Variants in ZSCAN5A observed in about 807,000 individuals in gnomAD.
ZSCAN5A encodes the protein zinc finger and SCAN domain containing 5A.
Under a neutral mutation model 23.7 loss-of-function variants are expected in ZSCAN5A, and 12 were observed. That is an observed-to-expected ratio of 0.51 (90% CI 0.32 to 0.82). ZSCAN5A has a LOEUF of 0.82. Ranked by LOEUF, ZSCAN5A falls within the 40% of genes least tolerant of loss-of-function variation. ZSCAN5A has a pLI of 0.03. For missense variants in ZSCAN5A, 597 were observed against 617.9 expected (o/e 0.97, Z 0.36); for synonymous variants, 257 against 239.9 (o/e 1.07, Z -0.66).
At position 56,239,683 on chromosome 19, in the gene ZSCAN5A, T is replaced by C. The variant is rs144482221; in HGVS notation, c.-127-14510A>G. 1.8e-4 allele frequency among the ~76,000 whole-genome samples: 28 copies of C among 152,196 alleles called. No individual in the cohort carries two copies. The East Asian group carries it at 5.2e-3, about 28-fold the overall frequency. ...TTTGAAAAAGAAAAGTAAAGAATTA[T>C]CACTAATATTTATTGTATATCAGCA... On this transcript the variant is annotated intron_variant, in intron 2 of 5. Coordinates refer to ENST00000683990, the MANE Select transcript of ZSCAN5A (RefSeq NM_001322064.3).
intron 2 of ZSCAN5A, among the ~76,000 whole-genome samples, chr19:56,276,996 C>T (rs952825980): frequency 6.6e-6 from 1 of 152,004 alleles, no homozygotes; most frequent in African/African-American, 2.4e-5. Flanking sequence ...GATGCTCAAC[C>T]TCATTAGCCA....
intron 2 of ZSCAN5A, chr19:56,298,069 A>C (rs953360480): frequency 2.0e-5 from 3 of 147,926 alleles, no homozygotes; most frequent in African/African-American, 7.4e-5. Context: ...GCAAGTCTCA[A>C]AAAAAAAAAA....
chr19:56,336,414 T>C (rs2041536755), intron 2 of ZSCAN5A, among the ~76,000 whole-genome samples: 1 of 152,250 alleles, frequency 6.6e-6, no homozygotes, highest in African/African-American at 2.4e-5. Flanking sequence ...GTAGTTCTCA[T>C]GCCGTGGTTT....
At chr19:56,340,667 T>C (rs1369952929) in intron 2 of ZSCAN5A, 1 of 152,230 alleles carries the variant, frequency 6.6e-6, no homozygotes, top group Admixed American at 6.5e-5. Flanking sequence ...TTTTTCATGA[T>C]GGCAAAATTA....
chr19:56,269,396 A>T (rs1412457024), intron 2 of ZSCAN5A, among the ~76,000 whole-genome samples: 1 of 152,226 alleles, frequency 6.6e-6, no homozygotes, highest in Non-Finnish European at 1.5e-5. Flanking sequence ...TCAATTGAGC[A>T]AGTTTATGCA....
At chr19:56,315,475 CT>C (rs1600274915), upstream of ZSCAN5A, 1 of 152,256 alleles carries the variant, frequency 6.6e-6, no homozygotes, top group East Asian at 1.9e-4. Flanking sequence ...AGATTCCACC[CT>C]ATTCTCTGAA....
rs556744380 is a variant in ZSCAN5A, at chr19:56,304,470, G to A, written c.-128+8813C>T. Reference sequence around the variant, plus strand: ...AGGGAGGCCACTCAACCTGCCATACGGCCCAGGACAACACGCCACGACAAA... The same window carrying A: ...AGGGAGGCCACTCAACCTGCCATACAGCCCAGGACAACACGCCACGACAAA... On this transcript the variant is annotated intron_variant, in intron 2 of 5. Coordinates refer to ENST00000683990, the MANE Select transcript of ZSCAN5A (RefSeq NM_001322064.3). 4.5e-4 allele frequency among the ~76,000 whole-genome samples: 68 copies of A among 152,266 alleles called. 1 individual carries two copies. The highest frequency in any genetic ancestry group is 3.7e-3 in the Admixed American group (57 of 15,304).
At chr19:56,328,504 T>A (rs982638946) in intron 2 of ZSCAN5A, among the ~76,000 whole-genome samples, 5 of 151,242 alleles carry the variant, frequency 3.3e-5, no homozygotes, top group African/African-American at 1.2e-4. Flanking sequence ...TAGCTGGGCA[T>A]GGTGGTGCGC....
chr19:56,229,684 CTGA>C (rs1468017844), intron 2 of ZSCAN5A, among the ~76,000 whole-genome samples: 1 of 152,180 alleles, frequency 6.6e-6, no homozygotes, highest in East Asian at 1.9e-4. Context: ...ATCGAATCTG[CTGA>C]TGTCTATTAA....
chr19:56,318,916 ATTATTG>A (rs931643009), upstream of ZSCAN5A, among the ~76,000 whole-genome samples: 1 of 152,180 alleles, frequency 6.6e-6, no homozygotes, highest in Non-Finnish European at 1.5e-5. Flanking sequence ...CAGCATTATC[ATTATTG>A]TTATGACTGT....
chr19:56,259,937 G>A (rs2036996440), intron 2 of ZSCAN5A, among the ~76,000 whole-genome samples: 1 of 152,192 alleles, frequency 6.6e-6, no homozygotes, highest in Admixed American at 6.5e-5. Flanking sequence ...TCGTGCCCTT[G>A]CACGCCAGCC....
intron 2 of ZSCAN5A, among the ~76,000 whole-genome samples, chr19:56,303,367 G>A (rs187673394): frequency 7.7e-4 from 117 of 151,962 alleles, no homozygotes; most frequent in African/African-American, 2.6e-3. Flanking sequence ...AATCCCAGCT[G>A]CTCGGGAGGC....
chr19:56,291,090 C>T (rs1195491082), intron 2 of ZSCAN5A, among the ~76,000 whole-genome samples: 3 of 152,190 alleles, frequency 2.0e-5, no homozygotes, highest in Non-Finnish European at 2.9e-5. Flanking sequence ...ACATGCAGGA[C>T]TGAGTATGTG....
chr19:56,247,186 C>T (rs1301873672), intron 2 of ZSCAN5A: 1 of 543,324 alleles, frequency 1.8e-6, no homozygotes, highest in East Asian at 3.2e-5. Context: ...GCTCTCAGAC[C>T]TCCGCGTCCA....
At chr19:56,365,860 T>C (rs1029257569) in intron 1 of ZSCAN5A, 1 of 152,242 alleles carries the variant, frequency 6.6e-6, no homozygotes, top group African/African-American at 2.4e-5. Flanking sequence ...GACCTTGCCA[T>C]AGAGCTATCT....
rs1361069922 is a variant in ZSCAN5A, at chr19:56,265,416, A to G, written c.-127-40243T>C. 5.3e-5 allele frequency among the ~76,000 whole-genome samples: 8 copies of G among 150,544 alleles called. No homozygotes were observed. In the Admixed American group the frequency reaches 5.3e-4, roughly 10 times the overall value. On this transcript the variant is annotated intron_variant, in intron 2 of 5. Coordinates refer to ENST00000683990, the MANE Select transcript of ZSCAN5A (RefSeq NM_001322064.3). ...AGCTGTAAGCAAGCAGTAAGGCTTG[A>G]AACTTAAAGCTGGTGGAAAGTAAAC...
chr19:56,305,396 T>C (rs550408593), intron 2 of ZSCAN5A, among the ~76,000 whole-genome samples: 3 of 152,354 alleles, frequency 2.0e-5, no homozygotes, highest in East Asian at 3.9e-4. Context: ...AGGTTCATCA[T>C]GGTATACCTT....
chr19:56,223,988 T>C (rs1248077873), intron 3 of ZSCAN5A, among the ~76,000 whole-genome samples, 154 bp from the exon 4 acceptor site: 1 of 151,508 alleles, frequency 6.6e-6, no homozygotes, highest in African/African-American at 2.4e-5. Flanking sequence ...ACAGCAATCC[T>C]GTCTGAATTT....
chr19:56,244,974 A>C (rs1348546762), intron 2 of ZSCAN5A, among the ~76,000 whole-genome samples: 1 of 152,172 alleles, frequency 6.6e-6, no homozygotes, highest in Non-Finnish European at 1.5e-5. Flanking sequence ...AGTTGGATTC[A>C]CCCAGAATAT....
Sources: allele counts gnomAD v4.1 joint callset (sites outside exome capture counted in the v4.1 genomes callset), GRCh38; gene constraint gnomAD v4.1.1; transcripts MANE v1.5; gene names NCBI Gene and HGNC (gene_info 2026-07-23, HGNC 2026-07-21).